The following SYT12 variants were observed in gnomAD, a reference collection of about 807,000 sequenced individuals.
SYT12 encodes the protein synaptotagmin-12.
A neutral mutation model predicts 39.5 loss-of-function variants in SYT12; 27 were observed. The ratio of observed to expected loss-of-function variants is 0.68; its 90% CI spans 0.50 to 0.94. The LOEUF (loss-of-function observed/expected upper bound fraction) is 0.94. SYT12 is among the 40% of genes least tolerant of loss of function. SYT12 has a pLI of 0.00. For synonymous variants in SYT12, 233 were observed against 239.7 expected (o/e 0.97, Z 0.26); for missense variants, 536 against 572.6 (o/e 0.94, Z 0.65).
At chr11:67,035,817 CCTTCCTTCCTTCCTTCCTTCCTTTCTTT>C (rs1308867060) in intron 3 of SYT12, among the ~76,000 whole-genome samples, 12 of 82,282 alleles carry the variant, frequency 1.5e-4, no homozygotes, top group African/African-American at 6.9e-4. Context: ...TTCCTTCCTT[CCTTCCTTCCTTCCTTCCTTCCTTTCTTT>C]CTTTCTTTCT....
In SYT12 at chr11:67,045,883, G is replaced by T; in HGVS notation, c.1092+6G>T. 1 of 1,612,938 alleles carries T rather than the reference G, an allele frequency of 6.2e-7. No individual in the cohort carries two copies. The highest frequency in any genetic ancestry group is 8.5e-7 in the Non-Finnish European group (1 of 1,179,518). Reference sequence around the variant, plus strand: ...TGCCAGCCATTGTGCTCCAGGTGAGGGGGGCTGGGGGATGGGAAGGGGCCA... The same window carrying T: ...TGCCAGCCATTGTGCTCCAGGTGAGTGGGGCTGGGGGATGGGAAGGGGCCA... On this transcript the variant is annotated splice_donor_region_variant and intron_variant, in intron 7 of 7. Transcript: ENST00000527043.
At chr11:67,021,286 C>T (rs1049281486), upstream of SYT12, among the ~76,000 whole-genome samples, 2 of 152,228 alleles carry the variant, frequency 1.3e-5, no homozygotes, top group East Asian at 3.9e-4. Context: ...CATCAGCTCC[C>T]CAGTGTGACA....
rs1485525745 is a variant in SYT12, at chr11:67,050,604, A to C, written c.*1847A>C. The C allele has an allele frequency of 6.6e-6, 1 of 152,566 alleles. No homozygotes were observed. The highest frequency in any genetic ancestry group is 1.5e-5 in the Non-Finnish European group (1 of 68,354). The allele number at this position is 152,566 out of a possible 1,614,324, so 9.5% of individuals were successfully genotyped here. ...GGGCCAGGAGACACATGGCTGGACA[A>C]GGCTTTGCAGCCTGGGAGACCCCGA... On this transcript the variant is annotated 3_prime_UTR_variant, in exon 8 of 8. Transcript: ENST00000527043.
At position 67,043,878 on chromosome 11, in the gene SYT12, C is replaced by T. The variant is rs1451147754; in HGVS notation, c.837+25C>T. The stretch of plus-strand genomic sequence containing the variant: ...GGTAAGTGACTTGCCTGCTCGTCCA[C>T]CTCGGAAGAGCGTGCACACACATAC... On this transcript the variant is annotated intron_variant, in intron 5 of 7. Transcript: ENST00000527043. 6 of 1,605,664 alleles carry T rather than the reference C, an allele frequency of 3.7e-6. No homozygotes were observed. The African/African-American group carries it at 6.7e-5, about 18-fold the overall frequency.
chr11:67,045,712 A>C, intron 6 of SYT12, 32 bp from the exon 7 acceptor site: 1 of 1,609,176 alleles, frequency 6.2e-7, no homozygotes, highest in Non-Finnish European at 8.5e-7. Context: ...AGTGAGTGTG[A>C]CACTGGCCCT....
At position 67,048,758 on chromosome 11, in the gene SYT12, C is replaced by T. The variant is rs1302319016; in HGVS notation, c.*1C>T. ...GTGGCACGCTGTCCGGCGAAACTAG[C>T]AACCAGGGCGGGCCAGTTGGGCAAT... On this transcript the variant is annotated 3_prime_UTR_variant, in exon 8 of 8. Coordinates refer to ENST00000527043, the MANE Select transcript of SYT12 (RefSeq NM_177963.4). The T allele has an allele frequency of 6.3e-7, 1 of 1,592,300 alleles. No homozygotes were observed. Among genetic ancestry groups the T allele is most frequent in the South Asian group, 1.1e-5 (1 of 90,666 alleles).
intron 3 of SYT12, among the ~76,000 whole-genome samples, chr11:67,016,078 C>T (rs940748342): frequency 2.0e-5 from 3 of 152,032 alleles, no homozygotes; most frequent in African/African-American, 7.2e-5. Context: ...GTCAGGAGTT[C>T]GAGACCAGCC....
At chr11:67,023,507 C>G (rs1169326649) in intron 1 of SYT12, 47 bp downstream of exon 1, 1 of 151,774 alleles carries the variant, frequency 6.6e-6, no homozygotes, top group East Asian at 1.9e-4. Context: ...GGATCGCACC[C>G]TGATCGCGGA....
intron 3 of SYT12, among the ~76,000 whole-genome samples, chr11:67,035,735 A>G (rs958859680): frequency 3.8e-4 from 57 of 150,396 alleles, no homozygotes; most frequent in Admixed American, 1.5e-3. Flanking sequence ...GGGATTACAG[A>G]CGTGAGCCAC....
chr11:67,029,906 T>A (rs1950234380), intron 1 of SYT12: 2 of 501,908 alleles, frequency 4.0e-6, no homozygotes, highest in East Asian at 6.5e-5. Context: ...CTGGGCATCC[T>A]GTGTTTTATC....
At chr11:67,010,964 C>T (rs1950009167) in exon 3 of SYT12, 1 of 152,222 alleles carries the variant, frequency 6.6e-6, no homozygotes, top group African/African-American at 2.4e-5. Flanking sequence ...AAATATGTCA[C>T]ATAACACACA....
At chr11:67,025,788 C>T (rs1453158023) in intron 1 of SYT12, among the ~76,000 whole-genome samples, 1 of 152,154 alleles carries the variant, frequency 6.6e-6, no homozygotes, top group Non-Finnish European at 1.5e-5. Flanking sequence ...CTGAGCCTCC[C>T]TCTCCTCCTC....
chr11:67,023,815 C>T (rs757864528), intron 1 of SYT12, among the ~76,000 whole-genome samples: 35 of 152,254 alleles, frequency 2.3e-4, no homozygotes, highest in Non-Finnish European at 4.7e-4. Flanking sequence ...TGGCTTCGCA[C>T]CCCCTCCCGA....
chr11:67,027,701 A>ATGC (rs1232944711), intron 1 of SYT12: 2 of 152,342 alleles, frequency 1.3e-5, no homozygotes, highest in African/African-American at 4.8e-5. Context: ...CAGAGGCCAG[A>ATGC]TGCAGCTTGA....
intron 3 of SYT12, among the ~76,000 whole-genome samples, chr11:67,013,696 G>A (rs77315857): frequency 3.4e-4 from 52 of 152,298 alleles, no homozygotes; most frequent in African/African-American, 1.1e-3. Flanking sequence ...GGCCCCCGGC[G>A]CAGGGCCTCC....
At chr11:67,014,791 A>G (rs1188195459) in intron 3 of SYT12, among the ~76,000 whole-genome samples, 4 of 152,056 alleles carry the variant, frequency 2.6e-5, no homozygotes, top group East Asian at 3.9e-4. Flanking sequence ...GTGGCCCACA[A>G]ACCTGGCCAG....
chr11:67,041,298 C>A (rs183416588), intron 4 of SYT12, among the ~76,000 whole-genome samples: 242 of 152,010 alleles, frequency 1.6e-3, no homozygotes, highest in African/African-American at 5.5e-3. Context: ...ATGGTGAAAC[C>A]CCGTCTCTAC....
chr11:67,016,392 T>C (rs1201931434), intron 3 of SYT12, among the ~76,000 whole-genome samples: 1 of 151,850 alleles, frequency 6.6e-6, no homozygotes, highest in Non-Finnish European at 1.5e-5. Context: ...AGAGAGAAAT[T>C]TGGGGAGCAG....
intron 3 of SYT12, among the ~76,000 whole-genome samples, chr11:67,013,812 T>A (rs1218862498): frequency 6.6e-6 from 1 of 152,222 alleles, no homozygotes; most frequent in African/African-American, 2.4e-5. Flanking sequence ...ACTGCAAATT[T>A]GGCAGCTTAC....
Sources: gnomAD v4.1 joint callset for allele counts (sites outside exome capture counted in the v4.1 genomes callset) on GRCh38, gnomAD v4.1.1 for gene constraint, MANE v1.5 for transcripts, NCBI Gene and HGNC (gene_info 2026-07-23, HGNC 2026-07-21) for gene names.